The following GBP5 variants were observed in gnomAD, a reference collection of about 807,000 sequenced individuals.
The protein encoded by GBP5 is guanylate binding protein 5, also known as guanylate-binding protein 5.
In GBP5, 48 loss-of-function variants were observed where a neutral mutation model predicts 58.2. That is an observed-to-expected ratio of 0.83 (90% CI 0.65 to 1.05). The LOEUF is 1.05. Ranked by LOEUF, GBP5 falls within the 50% of genes least tolerant of loss-of-function variation. The pLI is 0.00. For synonymous variants in GBP5, 248 were observed against 251.8 expected, an observed-to-expected ratio of 0.98 and a Z score of 0.14; for missense variants, 714 against 686.8, an observed-to-expected ratio of 1.04 and a Z score of -0.44.
Position 89,260,828 on chromosome 1 carries a change from A to G in GBP5, c.1648-11T>C. 1.3e-6 allele frequency: 2 copies of G among 1,597,842 alleles called. No individual in the cohort carries two copies. The highest frequency in any genetic ancestry group is 1.7e-5 in the Admixed American group (1 of 59,862). ...CTGTGCAGCCTGTTCCTAAAGAGTG[A>G]TAAATAGAAAGTAAGATCAAGCTTC... is the stretch of plus-strand genomic sequence containing the variant. On this transcript the variant is annotated splice_polypyrimidine_tract_variant and intron_variant, in intron 11 of 11. Coordinates refer to ENST00000370459, the MANE Select transcript of GBP5 (RefSeq NM_052942.5).
Position 89,259,736 on chromosome 1 carries a change from T to C in GBP5, c.*968A>G, listed in dbSNP as rs1272784217. 1 of 151,602 alleles carries C rather than the reference T, an allele frequency of 6.6e-6. No homozygotes were observed. The highest frequency in any genetic ancestry group is 1.5e-5 in the Non-Finnish European group (1 of 67,962). The allele number at this position is 151,602 out of a possible 1,614,324, so 9.4% of individuals were successfully genotyped here. A position where few individuals can be genotyped will look rare whatever the true frequency, so the allele number is the denominator to read the frequency against. ...ATAACCACCCCTAAGCTAAACCACATCCTGGTACCCTGAGCCAGGCGGGGG... is the reference window on the plus strand; with the variant it reads ...ATAACCACCCCTAAGCTAAACCACACCCTGGTACCCTGAGCCAGGCGGGGG... On this transcript the variant is annotated 3_prime_UTR_variant, in exon 12 of 12. Transcript: ENST00000370459.
intron 8 of GBP5, 152 bp downstream of exon 8, chr1:89,264,534 C>T (rs1650132049): frequency 1.5e-6 from 1 of 680,736 alleles, no homozygotes. Flanking sequence ...CATGTTTGCT[C>T]ATTTGTTTTC....
Position 89,260,901 on chromosome 1 carries a change from C to T in GBP5, c.1648-84G>A. 3.2e-6 allele frequency: 3 copies of T among 928,606 alleles called. No individual in the cohort carries two copies. The South Asian group carries it at 4.0e-5, about 12-fold the overall frequency. 57.5% of individuals were successfully genotyped at this position (928,606 alleles called of 1,614,324 possible). Reference sequence around the variant, plus strand: ...ACTTGTCCTTACTTCTTTTCATCTACAGTAGCAGTAAACAGTTCCTGAATA... The same window carrying T: ...ACTTGTCCTTACTTCTTTTCATCTATAGTAGCAGTAAACAGTTCCTGAATA... On this transcript the variant is annotated intron_variant, in intron 11 of 11. Coordinates refer to ENST00000370459, the MANE Select transcript of GBP5 (RefSeq NM_052942.5).
chr1:89,267,809 A>G (rs556091429), intron 4 of GBP5, among the ~76,000 whole-genome samples: 119 of 152,324 alleles, frequency 7.8e-4, no homozygotes, highest in Middle Eastern at 3.4e-3. Flanking sequence ...AAATTGGCCT[A>G]TATACCCAGT....
chr1:89,257,339 G>A lies in GBP5; in HGVS notation c.*3365C>T, dbSNP rs1000398039. ...ATTCACTATCATGAAAAAAGCACAT[G>A]AAAACCCACCCCCATGATTTGATTA... On this transcript the variant is annotated 3_prime_UTR_variant, in exon 12 of 12. Transcript: ENST00000370459. 3.9e-5 allele frequency among the ~76,000 whole-genome samples: 6 copies of A among 152,104 alleles called. No individual in the cohort carries two copies. Among genetic ancestry groups the A allele is most frequent in the Non-Finnish European group, 5.9e-5 (4 of 68,020 alleles).
In GBP5 at chr1:89,257,311, C is replaced by G. The variant is rs1406835531; in HGVS notation, c.*3393G>C. On this transcript the variant is annotated 3_prime_UTR_variant, in exon 12 of 12. Transcript: ENST00000370459. ...TATGAAGCCATCAGATCTCAGGCGA[C>G]TTATTCACTATCATGAAAAAAGCAC... Among the ~76,000 whole-genome samples the G allele has an allele frequency of 6.6e-6, 1 of 152,134 alleles. No homozygotes were observed. The highest frequency in any genetic ancestry group is 1.5e-5 in the Non-Finnish European group (1 of 68,028).
Position 89,269,578 on chromosome 1 carries a change from C to A in GBP5, c.-19-4G>T. 1 of 1,588,094 alleles carries A rather than the reference C, an allele frequency of 6.3e-7. No individual in the cohort carries two copies. The highest frequency in any genetic ancestry group is 8.6e-7 in the Non-Finnish European group (1 of 1,158,382). ...CATGTCTAGGATGTTACTTTGCCTG[C>A]AAGGGAACAGATGGGATAGGCTGGA... On this transcript the variant is annotated splice_polypyrimidine_tract_variant and splice_region_variant and intron_variant, in intron 2 of 11. Transcript: ENST00000370459.
chr1:89,268,973 C>T, intron 3 of GBP5, 117 bp from the exon 4 acceptor site: 1 of 1,024,214 alleles, frequency 9.8e-7, no homozygotes, highest in East Asian at 2.4e-5. Flanking sequence ...AATGTACAAC[C>T]AGTATTGATT....
intron 3 of GBP5, 98 bp from the exon 4 acceptor site, chr1:89,268,954 A>G: frequency 8.2e-7 from 1 of 1,220,480 alleles, no homozygotes; most frequent in Non-Finnish European, 1.2e-6. Context: ...CAAGATGAGG[A>G]GATAGCAGAA....
intron 7 of GBP5, 71 bp downstream of exon 7, chr1:89,266,275 G>A (rs1650208155): frequency 7.5e-7 from 1 of 1,325,002 alleles, no homozygotes; most frequent in South Asian, 1.3e-5. Context: ...GACAATGCAA[G>A]GATAATCTTA....
Position 89,267,477 on chromosome 1 carries a change from C to T in GBP5, c.368G>A (p.Ser123Asn). 6.2e-7 allele frequency: 1 copy of T among 1,614,014 alleles called. No homozygotes were observed. The highest frequency in any genetic ancestry group is 8.5e-7 in the Non-Finnish European group (1 of 1,179,946). The part of the protein sequence containing the change: ...IQIFALALLL[S>N]STFVYNTVNK... ...CACAGTATTGTACACAAAGGTGCTG[C>T]TCAGTAAGAGTGCCAGTGCAAAGAT... The change falls in exon 5 of 12, where the codon AGC becomes AAC. Residue 123 changes from serine (S) to asparagine (N), a missense_variant. Transcript: ENST00000370459.
At chr1:89,262,542 A>G (rs954194811) in intron 10 of GBP5, 141 bp from the exon 11 acceptor site, 7 of 908,800 alleles carry the variant, frequency 7.7e-6, no homozygotes, top group African/African-American at 6.7e-5. Flanking sequence ...ATGCAGGATC[A>G]TGCCAGTCAG....
Position 89,258,671 on chromosome 1 carries a change from A to G in GBP5, c.*2033T>C, listed in dbSNP as rs1426411940. On this transcript the variant is annotated 3_prime_UTR_variant, in exon 12 of 12. Coordinates refer to ENST00000370459, the MANE Select transcript of GBP5 (RefSeq NM_052942.5). Reference sequence around the variant, plus strand: ...TAAGTAAATCATATTTTGGGTGACTAAAAAAATTCAAGCTCCTATCATATT... The same window carrying G: ...TAAGTAAATCATATTTTGGGTGACTGAAAAAATTCAAGCTCCTATCATATT... Among the ~76,000 whole-genome samples the G allele has an allele frequency of 6.6e-6, 1 of 152,138 alleles. No homozygotes were observed. The highest frequency in any genetic ancestry group is 1.5e-5 in the Non-Finnish European group (1 of 68,006).
At chr1:89,266,258 C>T in intron 7 of GBP5, 88 bp downstream of exon 7, 3 of 1,165,164 alleles carry the variant, frequency 2.6e-6, no homozygotes, top group Non-Finnish European at 3.7e-6. Context: ...ATGCATTTGT[C>T]AACATTGACA....
rs1650111728 is a variant in GBP5 at position 89,263,943 on chromosome 1, TAG to T, written c.1153_1154del (p.Leu385ThrfsTer7). 1 of 1,598,610 alleles carries T rather than the reference TAG, an allele frequency of 6.3e-7. No homozygotes were observed. Among genetic ancestry groups the T allele is most frequent in the African/African-American group, 1.4e-5 (1 of 73,706 alleles). On this transcript the variant is annotated frameshift_variant, in exon 9 of 12. Coordinates refer to ENST00000370459, the MANE Select transcript of GBP5 (RefSeq NM_052942.5). LOFTEE classifies it high-confidence loss of function. ...DQSFQKELET[L>X]LDAKQNDICK... ...AAATGTCATTCTGTTTTGCATCTAG[TAG>T]AGTCTTCAAAGAGACAAAAACCCAT...
At chr1:89,268,324 A>G (rs1650306171) in intron 4 of GBP5, among the ~76,000 whole-genome samples, 1 of 152,254 alleles carries the variant, frequency 6.6e-6, no homozygotes, top group Non-Finnish European at 1.5e-5. Context: ...AAGACCAAAG[A>G]AAAAATAAAA....
rs1445443297 is a variant in GBP5, at chr1:89,263,759, GA to G, written c.1338del (p.Arg447GlyfsTer17). The G allele has an allele frequency of 6.2e-7, 1 of 1,613,144 alleles. No individual in the cohort carries two copies. Among genetic ancestry groups the G allele is most frequent in the East Asian group, 2.2e-5 (1 of 44,872 alleles). On this transcript the variant is annotated frameshift_variant, in exon 9 of 12. Transcript: ENST00000370459. LOFTEE classifies it high-confidence loss of function. Reference sequence around the variant, plus strand: ...ACCTGTATTCCTTTCCGAGGCTCCCGATAGTACTTTGCCTTCAGTTCTTCTG... The same window carrying G: ...ACCTGTATTCCTTTCCGAGGCTCCCGTAGTACTTTGCCTTCAGTTCTTCTG... ...QKTEELKAKYYREPRKGIQAE... is the reference protein window; with the variant it reads ...QKTEELKAKYXREPRKGIQAE...
chr1:89,268,866 G>C lies in GBP5; in HGVS notation c.191-10C>G. 1 of 1,612,544 alleles carries C rather than the reference G, an allele frequency of 6.2e-7. No individual in the cohort carries two copies. Among genetic ancestry groups the C allele is most frequent in the Non-Finnish European group, 8.5e-7 (1 of 1,179,344 alleles). ...GATGCAACAGAGAAGCCTGTCAGGG[G>C]GAGTGAGAGGTTGTAATAGAAGAGA... On this transcript the variant is annotated splice_polypyrimidine_tract_variant and intron_variant, in intron 3 of 11. Coordinates refer to ENST00000370459, the MANE Select transcript of GBP5 (RefSeq NM_052942.5).
intron 11 of GBP5, among the ~76,000 whole-genome samples, chr1:89,261,895 T>C (rs1650015325): frequency 6.6e-6 from 1 of 152,124 alleles, no homozygotes; most frequent in Non-Finnish European, 1.5e-5. Flanking sequence ...AATGCCTTGG[T>C]TTTTATTTAA....
Sources: gnomAD v4.1 joint callset for allele counts (sites outside exome capture counted in the v4.1 genomes callset) on GRCh38, gnomAD v4.1.1 for gene constraint, MANE v1.5 for transcripts, NCBI Gene and HGNC (gene_info 2026-07-23, HGNC 2026-07-21) for gene names.